CTNNA3: variants seen among roughly 807,000 people sequenced by gnomAD.
CTNNA3 encodes catenin alpha-3.
Under a neutral mutation model 95.7 loss-of-function variants are expected in CTNNA3, and 76 were observed. The observed-to-expected ratio is 0.79, with a 90% CI of 0.66 to 0.96. The LOEUF (loss-of-function observed/expected upper bound fraction) is 0.96, where lower values mean the gene tolerates loss of function less well. CTNNA3 is among the 40% of genes least tolerant of loss of function. The pLI is 0.00. For missense variants in CTNNA3, 1,191 were observed against 1,089.8 expected (o/e 1.09, Z -1.31); for synonymous variants, 431 against 374.4 (o/e 1.15, Z -1.74).
chr10:67,109,572 T>C (rs1858812389), intron 7 of CTNNA3, among the ~76,000 whole-genome samples: 1 of 152,130 alleles, frequency 6.6e-6, no homozygotes, highest in Non-Finnish European at 1.5e-5. Flanking sequence ...AGGCCAGGCG[T>C]GGTAGCTCAC....
At chr10:67,688,265 T>C (rs926484746) in intron 1 of CTNNA3, among the ~76,000 whole-genome samples, 3 of 152,058 alleles carry the variant, frequency 2.0e-5, no homozygotes, top group Non-Finnish European at 2.9e-5. Flanking sequence ...GAAGGGGACA[T>C]AAATGATAGC....
chr10:67,513,119 T>A (rs1260714179), intron 5 of CTNNA3, among the ~76,000 whole-genome samples: 1 of 152,232 alleles, frequency 6.6e-6, no homozygotes, highest in East Asian at 1.9e-4. Context: ...TCTTTGTTGT[T>A]CCTGCAGTTT....
At chr10:66,609,343 G>T (rs1239877808) in intron 10 of CTNNA3, among the ~76,000 whole-genome samples, 1 of 148,142 alleles carries the variant, frequency 6.8e-6, no homozygotes, top group Non-Finnish European at 1.5e-5. Flanking sequence ...GATTACAGTT[G>T]TCAGCCATCG....
At chr10:66,460,473 T>G (rs948288861) in intron 11 of CTNNA3, among the ~76,000 whole-genome samples, 5 of 152,168 alleles carry the variant, frequency 3.3e-5, no homozygotes, top group African/African-American at 1.2e-4. Context: ...GGTTTAGACT[T>G]CTTGGCTATG....
At chr10:66,364,422 A>G (rs67522945) in intron 12 of CTNNA3, among the ~76,000 whole-genome samples, 14,802 of 151,932 alleles carry the variant, frequency 0.097, 968 homozygotes, top group South Asian at 0.18. Flanking sequence ...TCGACAAAAC[A>G]CCTAGTTCTC....
At chr10:66,527,363 T>G (rs1257992381) in intron 10 of CTNNA3, among the ~76,000 whole-genome samples, 1 of 152,172 alleles carries the variant, frequency 6.6e-6, no homozygotes, top group Non-Finnish European at 1.5e-5. Flanking sequence ...TTTGTTCTTA[T>G]TTTTCAAGAT....
intron 5 of CTNNA3, among the ~76,000 whole-genome samples, chr10:67,345,098 A>C (rs1280129765): frequency 6.6e-6 from 1 of 151,922 alleles, no homozygotes; most frequent in East Asian, 1.9e-4. Flanking sequence ...TTCTTCATTG[A>C]CCCAGTGGTC....
At chr10:66,806,458 T>C (rs1190983876) in intron 7 of CTNNA3, among the ~76,000 whole-genome samples, 1 of 152,030 alleles carries the variant, frequency 6.6e-6, no homozygotes, top group African/African-American at 2.4e-5. Context: ...TGTACTATGT[T>C]GTACACTTAA....
At chr10:67,613,353 CA>C (rs1311163507) in intron 2 of CTNNA3, among the ~76,000 whole-genome samples, 1 of 150,732 alleles carries the variant, frequency 6.6e-6, no homozygotes, top group African/African-American at 2.4e-5. Flanking sequence ...GAAAAATAAA[CA>C]AACAGTGGTT....
intron 3 of CTNNA3, among the ~76,000 whole-genome samples, chr10:67,542,716 A>T (rs1393403692): frequency 6.6e-6 from 1 of 152,110 alleles, no homozygotes; most frequent in Non-Finnish European, 1.5e-5. Flanking sequence ...CCTCTGCCTG[A>T]GGTGTCAGAA....
intron 7 of CTNNA3, among the ~76,000 whole-genome samples, chr10:66,835,491 T>C (rs74141704): frequency 0.014 from 2,085 of 152,336 alleles, 46 homozygotes; most frequent in African/African-American, 0.047. Context: ...ATAGTAGTCC[T>C]GTTATCATAT....
chr10:66,268,222 C>G (rs1383072070), intron 13 of CTNNA3, among the ~76,000 whole-genome samples: 4 of 152,236 alleles, frequency 2.6e-5, no homozygotes, highest in South Asian at 4.1e-4. Context: ...GACCTTTACA[C>G]TCTTTCCATT....
chr10:67,540,762 T>C (rs1266750401), intron 3 of CTNNA3, among the ~76,000 whole-genome samples: 3 of 151,986 alleles, frequency 2.0e-5, no homozygotes, highest in African/African-American at 7.2e-5. Context: ...AGTAGTATCC[T>C]ACTAGAGAGA....
At chr10:67,677,147 T>G (rs916191713) in intron 1 of CTNNA3, among the ~76,000 whole-genome samples, 3 of 152,174 alleles carry the variant, frequency 2.0e-5, no homozygotes, top group Admixed American at 2.0e-4. Flanking sequence ...AAGGGCAAGC[T>G]TTCTCAAGTT....
chr10:67,474,094 A>G (rs920089618), intron 5 of CTNNA3, among the ~76,000 whole-genome samples: 5 of 152,144 alleles, frequency 3.3e-5, no homozygotes, highest in African/African-American at 1.2e-4. Flanking sequence ...AACCAAACAA[A>G]TCATTGTAAT....
intron 1 of CTNNA3, among the ~76,000 whole-genome samples, chr10:67,663,029 A>G (rs1840233956): frequency 1.3e-5 from 2 of 152,284 alleles, no homozygotes; most frequent in Admixed American, 1.3e-4. Context: ...AATACTTTCA[A>G]AAGTTGATTC....
intron 7 of CTNNA3, among the ~76,000 whole-genome samples, chr10:67,104,526 C>T (rs1858518930): frequency 1.3e-5 from 2 of 151,932 alleles, no homozygotes; most frequent in South Asian, 4.1e-4. Context: ...TTTAAACTCA[C>T]ATCTTGAAAA....
chr10:66,446,896 C>T (rs1476026294), intron 11 of CTNNA3, among the ~76,000 whole-genome samples: 3 of 151,836 alleles, frequency 2.0e-5, no homozygotes, highest in Non-Finnish European at 2.9e-5. Context: ...TCCCTGTTTG[C>T]AGATGACATT....
intron 5 of CTNNA3, among the ~76,000 whole-genome samples, chr10:67,376,120 G>A (rs1843679636): frequency 6.6e-6 from 1 of 152,208 alleles, no homozygotes; most frequent in Admixed American, 6.5e-5. Flanking sequence ...AACTCCAGTT[G>A]TTTATAAGCT....
Sources: gnomAD v4.1 joint callset for allele counts (sites outside exome capture counted in the v4.1 genomes callset) on GRCh38, gnomAD v4.1.1 for gene constraint, MANE v1.5 for transcripts, NCBI Gene and HGNC (gene_info 2026-07-23, HGNC 2026-07-21) for gene names.